POU6F2: variants seen among roughly 807,000 people sequenced by gnomAD.
The protein encoded by POU6F2 is POU domain, class 6, transcription factor 2.
POU6F2 carries 31 observed loss-of-function variants against 71.3 expected under a neutral mutation model. The ratio of observed to expected loss-of-function variants is 0.43; its 90% confidence interval spans 0.33 to 0.59. POU6F2 has a LOEUF of 0.59. Among genes scored for constraint, POU6F2 ranks in the 20% least tolerant of loss-of-function variants. The probability of loss-of-function intolerance (pLI) is 0.04; values close to 1 mark genes in which losing one functional copy is unlikely to be tolerated. For synonymous variants in POU6F2, 347 were observed against 355.7 expected, an observed-to-expected ratio of 0.98 and a Z score of 0.27; for missense variants, 783 against 856.8, an observed-to-expected ratio of 0.91 and a Z score of 1.07.
intron 4 of POU6F2, among the ~76,000 whole-genome samples, chr7:39,259,559 G>A (rs539368183): frequency 2.8e-4 from 43 of 152,282 alleles, no homozygotes; most frequent in African/African-American, 9.9e-4. Flanking sequence ...CCTTGAGCAC[G>A]TTCCAAGGGC....
At chr7:39,420,150 G>T (rs1447671258) in intron 6 of POU6F2, among the ~76,000 whole-genome samples, 2 of 152,092 alleles carry the variant, frequency 1.3e-5, no homozygotes, top group Non-Finnish European at 2.9e-5. Flanking sequence ...CCAAAAATCT[G>T]TTTTAAATTC....
intron 1 of POU6F2, among the ~76,000 whole-genome samples, chr7:39,056,708 G>A (rs1790534861): frequency 6.8e-6 from 1 of 148,046 alleles, no homozygotes; most frequent in South Asian, 2.2e-4. Context: ...GTGTGTGTAG[G>A]TGGTGGGGAT....
intron 2 of POU6F2, among the ~76,000 whole-genome samples, chr7:39,167,224 TA>T (rs886553252): frequency 1.3e-5 from 2 of 152,232 alleles, no homozygotes; most frequent in East Asian, 1.9e-4. Context: ...TTTATTTGGC[TA>T]AAAAACATAC....
intron 6 of POU6F2, among the ~76,000 whole-genome samples, chr7:39,419,859 C>A (rs1422114410): frequency 6.6e-6 from 1 of 152,198 alleles, no homozygotes; most frequent in Non-Finnish European, 1.5e-5. Context: ...TTAGCAGCAG[C>A]AGCAGCAACA....
At chr7:39,236,367 A>G (rs1436462217) in intron 4 of POU6F2, among the ~76,000 whole-genome samples, 1 of 152,166 alleles carries the variant, frequency 6.6e-6, no homozygotes, top group Non-Finnish European at 1.5e-5. Flanking sequence ...CTCTGCTTCC[A>G]TGGCATTGGT....
intron 4 of POU6F2, among the ~76,000 whole-genome samples, chr7:39,267,828 C>A (rs1231745070): frequency 6.6e-6 from 1 of 152,162 alleles, no homozygotes; most frequent in East Asian, 1.9e-4. Context: ...AGTCTGCTGA[C>A]ACTCTTCATT....
At chr7:39,432,944 C>A (rs1372967667) in intron 6 of POU6F2, 133 bp from the exon 7 acceptor site, 4 of 777,900 alleles carry the variant, frequency 5.1e-6, no homozygotes, top group East Asian at 5.4e-5. Flanking sequence ...ACCACACCCC[C>A]CTCCAGAGCT....
rs530060775 is a variant in POU6F2 at position 39,295,774 on chromosome 7, A to G, written c.599-43868A>G. Among the ~76,000 whole-genome samples, 22 of 152,360 alleles carry G rather than the reference A, an allele frequency of 1.4e-4. No individual in the cohort carries two copies. The South Asian group carries it at 4.1e-3, about 29-fold the overall frequency. ...GACAATTGTCTAAAATTCATCCACT[A>G]GAAATTTCTTCCAATATATAATTAA... On this transcript the variant is annotated intron_variant, in intron 4 of 9. Transcript: ENST00000518318.
chr7:39,357,496 C>CACCTCCTTTTA (rs1554346023), intron 5 of POU6F2, among the ~76,000 whole-genome samples: 1 of 152,156 alleles, frequency 6.6e-6, no homozygotes, highest in Non-Finnish European at 1.5e-5. Context: ...GGGATCCTCC[C>CACCTCCTTTTA]ACCTCCTTTT....
chr7:39,416,654 G>C (rs1371167901), intron 6 of POU6F2, among the ~76,000 whole-genome samples: 1 of 152,192 alleles, frequency 6.6e-6, no homozygotes, highest in Non-Finnish European at 1.5e-5. Flanking sequence ...GGGATTGATA[G>C]AGCAAGAATT....
chr7:39,053,187 A>C (rs1035760012), intron 1 of POU6F2, among the ~76,000 whole-genome samples: 10 of 152,162 alleles, frequency 6.6e-5, no homozygotes, highest in Non-Finnish European at 1.5e-4. Context: ...ATGGTCCCAA[A>C]ATGAAGAAGG....
intron 2 of POU6F2, among the ~76,000 whole-genome samples, chr7:39,114,526 G>A (rs1011688343): frequency 6.6e-6 from 1 of 152,094 alleles, no homozygotes; most frequent in Non-Finnish European, 1.5e-5. Flanking sequence ...GGAAAGTACT[G>A]ATAAACAATA....
At chr7:39,029,636 A>G (rs1789893758) in intron 1 of POU6F2, among the ~76,000 whole-genome samples, 1 of 132,140 alleles carries the variant, frequency 7.6e-6, no homozygotes, top group Non-Finnish European at 1.7e-5. Context: ...AAATGTATAC[A>G]AATAAAAAGA....
intron 1 of POU6F2, among the ~76,000 whole-genome samples, chr7:39,070,554 A>C (rs993718875): frequency 6.6e-6 from 1 of 151,664 alleles, no homozygotes; most frequent in Non-Finnish European, 1.5e-5. Context: ...AGATCTGGCC[A>C]TGGGCCACTT....
At chr7:39,025,863 A>T (rs1185222556) in intron 1 of POU6F2, among the ~76,000 whole-genome samples, 176 of 151,988 alleles carry the variant, frequency 1.2e-3, no homozygotes, top group Non-Finnish European at 1.7e-3. Context: ...GACAAAGGGC[A>T]AATATCCAGA....
At chr7:39,447,595 CA>C (rs1035160244) in intron 7 of POU6F2, among the ~76,000 whole-genome samples, 158 of 152,226 alleles carry the variant, frequency 1.0e-3, no homozygotes, top group African/African-American at 3.5e-3. Context: ...ATAATATACA[CA>C]AAAACAGGTA....
At chr7:39,290,149 T>C (rs1192928208) in intron 4 of POU6F2, among the ~76,000 whole-genome samples, 2 of 152,246 alleles carry the variant, frequency 1.3e-5, no homozygotes, top group African/African-American at 4.8e-5. Flanking sequence ...ATACAAGTTT[T>C]AAAAATCCAT....
chr7:39,269,517 C>G (rs1784307192), intron 4 of POU6F2, among the ~76,000 whole-genome samples: 1 of 152,244 alleles, frequency 6.6e-6, no homozygotes, highest in Non-Finnish European at 1.5e-5. Flanking sequence ...AGCTGACAAG[C>G]TGGATAGTTG....
chr7:39,199,652 T>C (rs1793856599), intron 2 of POU6F2, among the ~76,000 whole-genome samples: 1 of 152,158 alleles, frequency 6.6e-6, no homozygotes, highest in Non-Finnish European at 1.5e-5. Flanking sequence ...AGTGTCGTGC[T>C]CAGGTGGTCA....
Sources: gnomAD v4.1 joint callset for allele counts (sites outside exome capture counted in the v4.1 genomes callset) on GRCh38, gnomAD v4.1.1 for gene constraint, MANE v1.5 for transcripts, NCBI Gene and HGNC (gene_info 2026-07-23, HGNC 2026-07-21) for gene names.